POLN: variants seen among roughly 807,000 people sequenced by gnomAD.
POLN encodes the protein DNA polymerase nu.
Under a neutral mutation model 113.5 loss-of-function variants are expected in POLN, and 108 were observed. That is an observed-to-expected ratio of 0.95 (90% confidence interval 0.81 to 1.12). POLN has a LOEUF of 1.12. POLN is among the 50% of genes most tolerant of loss of function. The pLI is 0.00. For missense variants in POLN, 1,097 were observed against 1,077.1 expected (o/e 1.02, Z -0.26); for synonymous variants, 386 against 391.5 (o/e 0.99, Z 0.17).
intron 20 of POLN, among the ~76,000 whole-genome samples, chr4:2,086,598 C>T (rs1730556284): frequency 6.6e-6 from 1 of 152,188 alleles, no homozygotes; most frequent in African/African-American, 2.4e-5. Flanking sequence ...CATTCCCTCC[C>T]ATTTTCCTCC....
intron 16 of POLN, among the ~76,000 whole-genome samples, chr4:2,144,143 CTTT>C (rs955583573): frequency 7.9e-6 from 1 of 127,002 alleles, no homozygotes. Context: ...AAAATTTGTT[CTTT>C]TTTTTTTTTT....
At chr4:2,157,743 A>G (rs1452956905) in intron 15 of POLN, 115 bp downstream of exon 15, 2 of 488,936 alleles carry the variant, frequency 4.1e-6, no homozygotes, top group Non-Finnish European at 6.4e-6. Context: ...AAAAAAAAAA[A>G]AAAGAATATT....
rs752082953 is a variant in POLN, at chr4:2,159,221, A to C, written c.1555-10T>G. Reference sequence around the variant, plus strand: ...CTCGCAGAGCATTTAACTAAACATGAAAATAGATACTACCAATGTAATTCG... The same window carrying C: ...CTCGCAGAGCATTTAACTAAACATGCAAATAGATACTACCAATGTAATTCG... On this transcript the variant is annotated splice_polypyrimidine_tract_variant and intron_variant, in intron 13 of 25. Coordinates refer to ENST00000511885, the MANE Select transcript of POLN (RefSeq NM_181808.4). 1.9e-5 allele frequency: 31 copies of C among 1,589,978 alleles called. No homozygotes were observed. The Middle Eastern group carries it at 3.0e-3, about 153-fold the overall frequency.
intron 19 of POLN, 51 bp downstream of exon 19, chr4:2,128,062 C>T (rs890584987): frequency 3.4e-6 from 4 of 1,183,568 alleles, no homozygotes; most frequent in Non-Finnish European, 5.0e-6. Flanking sequence ...CTTTTAAACT[C>T]ATGTTGGCCT....
At chr4:2,085,860 G>A (rs1730538069) in intron 20 of POLN, 116 bp from the exon 21 acceptor site, 1 of 1,423,418 alleles carries the variant, frequency 7.0e-7, no homozygotes, top group Non-Finnish European at 9.6e-7. Context: ...GGGTTGGGAT[G>A]GAGTTGGCGT....
At chr4:2,130,291 AGAGGG>A (rs540715229) in intron 17 of POLN, among the ~76,000 whole-genome samples, 60 of 53,278 alleles carry the variant, frequency 1.1e-3, no homozygotes, top group Middle Eastern at 0.014. Context: ...AGAGGGGAGG[AGAGGG>A]GAGGGGAGGG....
At chr4:2,238,891 T>G (rs1313538968) in intron 2 of POLN, 2 of 1,613,156 alleles carry the variant, frequency 1.2e-6, no homozygotes. Context: ...GATCAAAATC[T>G]CCCTTTACCA....
At chr4:2,185,085 T>C (rs765470513) in intron 7 of POLN, among the ~76,000 whole-genome samples, 3 of 152,194 alleles carry the variant, frequency 2.0e-5, no homozygotes, top group Admixed American at 1.3e-4. Flanking sequence ...GAAAGCATAA[T>C]AGATCTTAAA....
intron 16 of POLN, among the ~76,000 whole-genome samples, chr4:2,150,197 G>A (rs1732258286): frequency 6.6e-6 from 1 of 151,900 alleles, no homozygotes; most frequent in Admixed American, 6.6e-5. Flanking sequence ...AAAATACCAT[G>A]CTAATATTCA....
chr4:2,091,953 T>G (rs559468820), intron 20 of POLN, among the ~76,000 whole-genome samples: 1 of 152,234 alleles, frequency 6.6e-6, no homozygotes, highest in Admixed American at 6.5e-5. Flanking sequence ...ATAGTGGGCC[T>G]GTGGGAACAT....
intron 3 of POLN, among the ~76,000 whole-genome samples, chr4:2,225,080 C>T (rs936146448): frequency 6.6e-6 from 1 of 151,706 alleles, no homozygotes; most frequent in African/African-American, 2.4e-5. Flanking sequence ...TGTCGTTGAC[C>T]AAAACATCAT....
chr4:2,239,779 G>A (rs972920368), intron 2 of POLN, among the ~76,000 whole-genome samples: 5 of 152,026 alleles, frequency 3.3e-5, no homozygotes, highest in African/African-American at 7.3e-5. Context: ...TTTAAAATTC[G>A]GAATGCAAAT....
rs1730388271 is a variant in POLN at position 2,080,714 on chromosome 4, C to G, written c.2387+244G>C. The G allele has an allele frequency of 5.0e-6, 7 of 1,401,382 alleles. No homozygotes were observed. The South Asian group carries it at 7.4e-5, about 15-fold the overall frequency. 86.8% of individuals were successfully genotyped at this position (1,401,382 alleles called of 1,614,324 possible). A position where few individuals can be genotyped will look rare whatever the true frequency, so the allele number is the denominator to read the frequency against. On this transcript the variant is annotated intron_variant, in intron 23 of 25. Transcript: ENST00000511885. ...TGCAGACACCCCGAGGAGGAGGGGT[C>G]TGGGGGAGACAGCATTTCTGTCTGG...
chr4:2,123,612 G>A (rs373273325), intron 19 of POLN, among the ~76,000 whole-genome samples: 3 of 134,548 alleles, frequency 2.2e-5, no homozygotes, highest in East Asian at 2.2e-4. Flanking sequence ...GCGACAGGGT[G>A]AGACCCTGTC....
At chr4:2,102,307 T>C (rs1292846128) in intron 19 of POLN, among the ~76,000 whole-genome samples, 3 of 152,108 alleles carry the variant, frequency 2.0e-5, no homozygotes, top group African/African-American at 7.2e-5. Flanking sequence ...ATTTACCACC[T>C]GGGACACTCA....
chr4:2,113,092 T>C (rs1190345694), intron 19 of POLN, among the ~76,000 whole-genome samples: 1 of 151,636 alleles, frequency 6.6e-6, no homozygotes, highest in African/African-American at 2.4e-5. Context: ...TGTAGGGACA[T>C]GGATGAAGCT....
At chr4:2,114,895 G>A (rs1279998931) in intron 19 of POLN, among the ~76,000 whole-genome samples, 1 of 151,446 alleles carries the variant, frequency 6.6e-6, no homozygotes, top group Non-Finnish European at 1.5e-5. Flanking sequence ...TGATATTGTT[G>A]CACAGATCTT....
At chr4:2,153,245 T>C (rs988278336) in intron 16 of POLN, among the ~76,000 whole-genome samples, 2 of 152,232 alleles carry the variant, frequency 1.3e-5, no homozygotes, top group African/African-American at 4.8e-5. Flanking sequence ...TGTGTATATG[T>C]ACAGATATAT....
At chr4:2,119,606 G>A (rs1731395227) in intron 19 of POLN, among the ~76,000 whole-genome samples, 1 of 152,064 alleles carries the variant, frequency 6.6e-6, no homozygotes, top group African/African-American at 2.4e-5. Flanking sequence ...GTTTTTCAAG[G>A]AAATTGTTAT....
Sources: gnomAD v4.1 joint callset for allele counts (sites outside exome capture counted in the v4.1 genomes callset) on GRCh38, gnomAD v4.1.1 for gene constraint, MANE v1.5 for transcripts, NCBI Gene and HGNC (gene_info 2026-07-23, HGNC 2026-07-21) for gene names.